AUTS2: variants seen among roughly 807,000 people sequenced by gnomAD.
The protein encoded by AUTS2 is activator of transcription and developmental regulator AUTS2.
In AUTS2, 17 loss-of-function variants were observed where a neutral mutation model predicts 112.4. The observed-to-expected ratio is 0.15, with a 90% CI of 0.10 to 0.23. The LOEUF (loss-of-function observed/expected upper bound fraction) is 0.23. Ranked by LOEUF, AUTS2 falls within the 10% of genes least tolerant of loss-of-function variation. AUTS2 has a pLI of 1.00. For synonymous variants in AUTS2, 751 were observed against 702.7 expected, an observed-to-expected ratio of 1.07 and a Z score of -1.09; for missense variants, 1,510 against 1,701.6, an observed-to-expected ratio of 0.89 and a Z score of 1.98.
chr7:70,774,358 GAC>G, intron 12 of AUTS2: 1 of 489,914 alleles, frequency 2.0e-6, no homozygotes, highest in Non-Finnish European at 3.6e-6. Context: ...CCAGAAATTG[GAC>G]AGTGTCAGCT....
At chr7:70,243,645 A>C (rs1812746124) in intron 4 of AUTS2, among the ~76,000 whole-genome samples, 1 of 151,014 alleles carries the variant, frequency 6.6e-6, no homozygotes, top group Admixed American at 6.6e-5. Flanking sequence ...ACTCTGCGAT[A>C]ATGTGTCCCA....
chr7:70,077,294 C>T (rs773292610), intron 2 of AUTS2, among the ~76,000 whole-genome samples: 8 of 152,076 alleles, frequency 5.3e-5, no homozygotes, highest in South Asian at 4.1e-4. Context: ...TCTGAGAGTG[C>T]GTAAAAGGTA....
intron 5 of AUTS2, among the ~76,000 whole-genome samples, chr7:70,589,125 G>A (rs1037252741): frequency 6.6e-6 from 1 of 152,226 alleles, no homozygotes; most frequent in Non-Finnish European, 1.5e-5. Flanking sequence ...CACAGTGGGG[G>A]CCCTTTCCCT....
chr7:69,650,482 G>A (rs1270906277), intron 1 of AUTS2, among the ~76,000 whole-genome samples: 2 of 152,188 alleles, frequency 1.3e-5, no homozygotes, highest in Non-Finnish European at 2.9e-5. Flanking sequence ...TATTGAAGGC[G>A]TGGATTACCA....
At chr7:69,651,271 A>G (rs977039520) in intron 1 of AUTS2, among the ~76,000 whole-genome samples, 2 of 152,090 alleles carry the variant, frequency 1.3e-5, no homozygotes, top group Middle Eastern at 6.8e-3. Context: ...TCTGATAACC[A>G]GTGTTTTTTT....
At chr7:70,361,922 T>C (rs1227604006) in intron 4 of AUTS2, among the ~76,000 whole-genome samples, 1 of 152,180 alleles carries the variant, frequency 6.6e-6, no homozygotes, top group Non-Finnish European at 1.5e-5. Context: ...ACCCATGCTC[T>C]CACACACTCA....
intron 1 of AUTS2, among the ~76,000 whole-genome samples, chr7:69,835,419 A>G (rs1791678474): frequency 6.6e-6 from 1 of 152,070 alleles, no homozygotes; most frequent in Non-Finnish European, 1.5e-5. Flanking sequence ...TTAACACAGT[A>G]CTCTAGGGAG....
intron 4 of AUTS2, among the ~76,000 whole-genome samples, chr7:70,285,085 T>C (rs188196068): frequency 6.6e-6 from 1 of 152,194 alleles, no homozygotes; most frequent in East Asian, 1.9e-4. Flanking sequence ...TGAAACTGCA[T>C]AGTATGAGCC....
At chr7:70,668,938 T>C (rs763602100) in intron 5 of AUTS2, among the ~76,000 whole-genome samples, 2 of 151,890 alleles carry the variant, frequency 1.3e-5, no homozygotes, top group Non-Finnish European at 2.9e-5. Flanking sequence ...GAAAGTAATT[T>C]GGCACCTGCT....
chr7:70,429,232 CA>C (rs1795552313), intron 4 of AUTS2, among the ~76,000 whole-genome samples: 1 of 152,178 alleles, frequency 6.6e-6, no homozygotes, highest in African/African-American at 2.4e-5. Flanking sequence ...ATTGACTTGT[CA>C]GTATAATTGA....
At chr7:69,831,853 A>C (rs909503440) in intron 1 of AUTS2, among the ~76,000 whole-genome samples, 2 of 152,216 alleles carry the variant, frequency 1.3e-5, no homozygotes, top group Non-Finnish European at 2.9e-5. Context: ...AAAAAATTTT[A>C]CATCACTTTA....
At chr7:70,682,468 T>G (rs936621698) in intron 5 of AUTS2, among the ~76,000 whole-genome samples, 10 of 152,246 alleles carry the variant, frequency 6.6e-5, no homozygotes, top group African/African-American at 2.4e-4. Flanking sequence ...TTTTTCTTAT[T>G]TCAAGTTTTT....
At chr7:70,314,213 G>A (rs1372460158) in intron 4 of AUTS2, among the ~76,000 whole-genome samples, 1 of 152,148 alleles carries the variant, frequency 6.6e-6, no homozygotes, top group African/African-American at 2.4e-5. Flanking sequence ...CAAGTAAACA[G>A]GCATACATTT....
chr7:70,297,680 C>T (rs551035200), intron 4 of AUTS2, among the ~76,000 whole-genome samples: 31 of 152,118 alleles, frequency 2.0e-4, no homozygotes, highest in African/African-American at 7.0e-4. Flanking sequence ...GTGATCCTCC[C>T]GCCTCAGCCT....
chr7:69,846,102 T>TC (rs1792186189), intron 1 of AUTS2, among the ~76,000 whole-genome samples: 1 of 152,086 alleles, frequency 6.6e-6, no homozygotes, highest in Non-Finnish European at 1.5e-5. Flanking sequence ...TTTGGGATTT[T>TC]TTTTTTTTGG....
intron 1 of AUTS2, among the ~76,000 whole-genome samples, chr7:69,855,887 G>A (rs1792699809): frequency 6.6e-6 from 1 of 152,152 alleles, no homozygotes; most frequent in Non-Finnish European, 1.5e-5. Flanking sequence ...TTCTGCTTCA[G>A]GGCCTCAGGG....
intron 2 of AUTS2, among the ~76,000 whole-genome samples, chr7:70,037,967 C>A: frequency 1.9e-5 from 2 of 107,272 alleles, no homozygotes; most frequent in South Asian, 3.7e-4. Context: ...ACCCCGCCCC[C>A]CGCCCTTTCC....
intron 1 of AUTS2, among the ~76,000 whole-genome samples, chr7:69,799,377 C>G (rs1789983092): frequency 6.6e-6 from 1 of 152,180 alleles, no homozygotes; most frequent in South Asian, 2.1e-4. Flanking sequence ...CCTCCCACCT[C>G]TACCTTCTGA....
intron 3 of AUTS2, among the ~76,000 whole-genome samples, chr7:70,129,517 C>G (rs6964139): frequency 0.22 from 32,760 of 152,118 alleles, 3,519 homozygotes; most frequent in Middle Eastern, 0.33. Flanking sequence ...TAAAATTGAC[C>G]ACCACAATCA....
Sources: allele counts gnomAD v4.1 joint callset (sites outside exome capture counted in the v4.1 genomes callset), GRCh38; gene constraint gnomAD v4.1.1; transcripts MANE v1.5; gene names NCBI Gene and HGNC (gene_info 2026-07-23, HGNC 2026-07-21).